MPZL1: variants seen among roughly 807,000 people sequenced by gnomAD.
MPZL1 encodes the protein myelin protein zero like 1.
A neutral mutation model predicts 29.3 loss-of-function variants in MPZL1; 16 were observed. That is an observed-to-expected ratio of 0.55 (90% confidence interval 0.37 to 0.83). MPZL1 has a LOEUF of 0.83. MPZL1 is among the 40% of genes least tolerant of loss of function. The pLI, the probability that MPZL1 is intolerant of heterozygous loss-of-function variation, is 0.00. For missense variants in MPZL1, 279 were observed against 332.9 expected (o/e 0.84, Z 1.26); for synonymous variants, 143 against 132.0 (o/e 1.08, Z -0.57).
intron 1 of MPZL1, among the ~76,000 whole-genome samples, chr1:167,743,170 T>C (rs1660570211): frequency 6.6e-6 from 1 of 151,926 alleles, no homozygotes; most frequent in African/African-American, 2.4e-5. Flanking sequence ...TGATGGGAAT[T>C]GCGTTGAATT....
At chr1:167,748,964 T>G (rs968466077) in intron 1 of MPZL1, among the ~76,000 whole-genome samples, 3 of 152,202 alleles carry the variant, frequency 2.0e-5, no homozygotes, top group Non-Finnish European at 4.4e-5. Flanking sequence ...TACACAAACA[T>G]TTGGGTTTGG....
rs772028455 is a variant in MPZL1, at chr1:167,788,332, C to G, written c.*411C>G. The G allele has an allele frequency of 6.2e-6, 1 of 162,562 alleles. No individual in the cohort carries two copies. The highest frequency in any genetic ancestry group is 1.3e-5 in the Non-Finnish European group (1 of 74,196). 10.1% of individuals were successfully genotyped at this position (162,562 alleles called of 1,614,324 possible). A position where few individuals can be genotyped will look rare whatever the true frequency, so the allele number is the denominator to read the frequency against. On this transcript the variant is annotated 3_prime_UTR_variant, in exon 6 of 6. Transcript: ENST00000359523. ...ATCTAAGGGCTTAAGACTGATTAGT[C>G]TTAGCATTTACTGTAGTTGGAGGAT...
intron 5 of MPZL1, among the ~76,000 whole-genome samples, 177 bp from the exon 6 acceptor site, chr1:167,787,643 T>G (rs1048102139): frequency 1.3e-5 from 2 of 152,242 alleles, no homozygotes; most frequent in Non-Finnish European, 2.9e-5. Flanking sequence ...ATGTCCAATC[T>G]TGTTTCAAAG....
chr1:167,734,322 A>G (rs775271591), intron 1 of MPZL1, among the ~76,000 whole-genome samples: 1 of 151,780 alleles, frequency 6.6e-6, no homozygotes, highest in Non-Finnish European at 1.5e-5. Flanking sequence ...GCCTTCCTCC[A>G]TAGTAAGCCG....
At chr1:167,747,841 G>A (rs767643101) in intron 1 of MPZL1, among the ~76,000 whole-genome samples, 4 of 151,964 alleles carry the variant, frequency 2.6e-5, no homozygotes, top group East Asian at 1.9e-4. Flanking sequence ...TGTTGCAGCC[G>A]TCATTACTTA....
chr1:167,742,693 C>T (rs1182926822), intron 1 of MPZL1, among the ~76,000 whole-genome samples: 2 of 152,248 alleles, frequency 1.3e-5, no homozygotes, highest in African/African-American at 4.8e-5. Context: ...GGGTCTTGGT[C>T]ATGAAGTCTT....
intron 1 of MPZL1, among the ~76,000 whole-genome samples, chr1:167,728,902 A>G (rs1378507242): frequency 2.0e-5 from 3 of 152,134 alleles, no homozygotes; most frequent in African/African-American, 7.2e-5. Context: ...CTTGCAATGA[A>G]CATTTTTTCA....
chr1:167,757,966 A>G (rs1174611413), intron 1 of MPZL1, among the ~76,000 whole-genome samples: 5 of 152,138 alleles, frequency 3.3e-5, no homozygotes, highest in Non-Finnish European at 7.3e-5. Flanking sequence ...CCTGACCAAC[A>G]TGGTAAAACC....
chr1:167,738,597 G>T (rs1227636522), intron 1 of MPZL1, among the ~76,000 whole-genome samples: 1 of 152,156 alleles, frequency 6.6e-6, no homozygotes, highest in Non-Finnish European at 1.5e-5. Context: ...GGATCTTGGG[G>T]GTGGGGATTT....
At chr1:167,749,974 C>A (rs1001086274) in intron 1 of MPZL1, among the ~76,000 whole-genome samples, 1 of 152,154 alleles carries the variant, frequency 6.6e-6, no homozygotes, top group Non-Finnish European at 1.5e-5. Context: ...GCAAATAGTC[C>A]GACATACCTG....
chr1:167,789,401 T>C lies in MPZL1; in HGVS notation c.*1480T>C, dbSNP rs1293757328. On this transcript the variant is annotated 3_prime_UTR_variant, in exon 6 of 6. Transcript: ENST00000359523. Reference sequence around the variant, plus strand: ...GGGTGAGTGGGAGTGAGGGGCAATGTTACTTTTTCTCCCTGTAGTTTGGAG... The same window carrying C: ...GGGTGAGTGGGAGTGAGGGGCAATGCTACTTTTTCTCCCTGTAGTTTGGAG... 2 of 152,316 alleles carry C rather than the reference T, an allele frequency of 1.3e-5. No individual in the cohort carries two copies. The highest frequency in any genetic ancestry group is 4.8e-5 in the African/African-American group (2 of 41,570). 9.4% of individuals were successfully genotyped at this position (152,316 alleles called of 1,614,324 possible).
At chr1:167,749,418 A>T (rs1238734804) in intron 1 of MPZL1, among the ~76,000 whole-genome samples, 3 of 152,234 alleles carry the variant, frequency 2.0e-5, no homozygotes, top group African/African-American at 7.2e-5. Flanking sequence ...TCCAGAGATT[A>T]TGAAACATAT....
At chr1:167,786,596 T>C (rs1661597794) in intron 5 of MPZL1, among the ~76,000 whole-genome samples, 1 of 152,212 alleles carries the variant, frequency 6.6e-6, no homozygotes, top group Admixed American at 6.5e-5. Flanking sequence ...TGTTATTTTC[T>C]AACTCCGCTT....
intron 1 of MPZL1, among the ~76,000 whole-genome samples, chr1:167,762,314 G>A (rs1661005686): frequency 6.6e-6 from 1 of 152,084 alleles, no homozygotes; most frequent in Non-Finnish European, 1.5e-5. Flanking sequence ...CCTGGTTTAG[G>A]GTATAAAAGA....
At chr1:167,768,523 T>C (rs773696666) in intron 2 of MPZL1, among the ~76,000 whole-genome samples, 8 of 152,232 alleles carry the variant, frequency 5.3e-5, no homozygotes, top group Admixed American at 2.0e-4. Flanking sequence ...TTGCCTGTCT[T>C]ACATCTTTAG....
intron 1 of MPZL1, among the ~76,000 whole-genome samples, chr1:167,760,135 C>G (rs1384241478): frequency 6.6e-6 from 1 of 152,154 alleles, no homozygotes; most frequent in African/African-American, 2.4e-5. Context: ...ATGACAGTGG[C>G]TTGGACCAAG....
chr1:167,749,872 G>A (rs1660720854), intron 1 of MPZL1, among the ~76,000 whole-genome samples: 1 of 152,248 alleles, frequency 6.6e-6, no homozygotes, highest in South Asian at 2.1e-4. Flanking sequence ...AGTGGCCACA[G>A]CTGGCCTGAT....
intron 1 of MPZL1, among the ~76,000 whole-genome samples, chr1:167,761,343 G>A (rs930568417): frequency 6.6e-6 from 1 of 152,162 alleles, no homozygotes; most frequent in Non-Finnish European, 1.5e-5. Flanking sequence ...AGAAGAGGGA[G>A]AATTGCTGGA....
At chr1:167,784,793 A>G (rs902480472) in intron 5 of MPZL1, among the ~76,000 whole-genome samples, 1 of 152,200 alleles carries the variant, frequency 6.6e-6, no homozygotes, top group Non-Finnish European at 1.5e-5. Context: ...AGACCTTATT[A>G]TATTCTAAGG....
Sources: gnomAD v4.1 joint callset for allele counts (sites outside exome capture counted in the v4.1 genomes callset) on GRCh38, gnomAD v4.1.1 for gene constraint, MANE v1.5 for transcripts, NCBI Gene and HGNC (gene_info 2026-07-23, HGNC 2026-07-21) for gene names.